CACNG6: variants seen among roughly 807,000 people sequenced by gnomAD.
The protein encoded by CACNG6 is voltage-dependent calcium channel gamma-6 subunit.
A neutral mutation model predicts 23.9 loss-of-function variants in CACNG6; 21 were observed. That is an observed-to-expected ratio of 0.88 (90% confidence interval 0.62 to 1.26). CACNG6 has a LOEUF of 1.26. CACNG6 is among the 50% of genes most tolerant of loss of function. The pLI is 0.00. For synonymous variants in CACNG6, 182 were observed against 168.9 expected, an observed-to-expected ratio of 1.08 and a Z score of -0.60; for missense variants, 340 against 352.9, an observed-to-expected ratio of 0.96 and a Z score of 0.29.
In CACNG6 at chr19:53,993,146, G is replaced by T. The variant is rs1042979812; in HGVS notation, c.269G>T (p.Arg90Leu). ...GGGCTGTGGAAGGCGTGCACCAAGC[G>T]GCTGTGGCAGGCGGACGTGCCCGTG... The part of the protein sequence containing the change: ...HLGLWKACTK[R>L]LWQADVPVDR... Residue 90 changes from arginine to leucine, a missense_variant, in exon 1 of 4, where the codon CGG becomes CTG. Transcript: ENST00000252729. 8.4e-6 allele frequency: 13 copies of T among 1,546,758 alleles called. No individual in the cohort carries two copies. The highest frequency in any genetic ancestry group is 1.7e-4 in the Middle Eastern group (1 of 5,936).
intron 1 of CACNG6, among the ~76,000 whole-genome samples, 198 bp from the exon 2 acceptor site, chr19:53,998,041 C>G (rs1008137688): frequency 6.6e-6 from 1 of 152,088 alleles, no homozygotes; most frequent in East Asian, 1.9e-4. Context: ...CTCAGAGCCC[C>G]GGGTAGGAGT....
In CACNG6 at chr19:53,995,823, G is replaced by C. The variant is rs147497120; in HGVS notation, c.332-2416G>C. ...ATTACAGGCATGCACCACAACATCCGGCTAATTTTTGTATTTTTAGTAGAG... is the reference window on the plus strand; with the variant it reads ...ATTACAGGCATGCACCACAACATCCCGCTAATTTTTGTATTTTTAGTAGAG... On this transcript the variant is annotated intron_variant, in intron 1 of 3. Transcript: ENST00000252729. Among the ~76,000 whole-genome samples, 629 of 152,220 alleles carry C rather than the reference G, an allele frequency of 4.1e-3. 4 individuals are homozygous for C. The highest frequency in any genetic ancestry group is 0.012 in the African/African-American group (515 of 41,534).
intron 3 of CACNG6, 150 bp from the exon 4 acceptor site, chr19:54,011,801 T>C (rs2145971140): frequency 2.4e-6 from 1 of 414,102 alleles, no homozygotes; most frequent in East Asian, 3.5e-5. Flanking sequence ...AAATGCTGCC[T>C]GCTATATAGT....
At chr19:53,998,625 C>T (rs147382414) in intron 2 of CACNG6, among the ~76,000 whole-genome samples, 3 of 151,696 alleles carry the variant, frequency 2.0e-5, no homozygotes, top group South Asian at 2.1e-4. Flanking sequence ...AATTCACCTA[C>T]CTCAGCCTCC....
chr19:54,006,506 G>C (rs1467301032), intron 3 of CACNG6, among the ~76,000 whole-genome samples: 2 of 143,492 alleles, frequency 1.4e-5, no homozygotes, highest in African/African-American at 2.6e-5. Context: ...TGTGTCCCCA[G>C]TTCCTTCTTT....
intron 1 of CACNG6, among the ~76,000 whole-genome samples, chr19:53,996,043 C>T (rs2069517885): frequency 6.6e-6 from 1 of 152,232 alleles, no homozygotes; most frequent in Non-Finnish European, 1.5e-5. Flanking sequence ...CTTCACCTCC[C>T]CTCGGGGTAC....
At chr19:54,002,980 C>A (rs539263647) in intron 3 of CACNG6, among the ~76,000 whole-genome samples, 1 of 152,168 alleles carries the variant, frequency 6.6e-6, no homozygotes, top group South Asian at 2.1e-4. Flanking sequence ...GTGGGAGAGA[C>A]AGAAATGAGA....
chr19:53,999,790 G>A lies in CACNG6; in HGVS notation c.544+19G>A, dbSNP rs2069556991. The A allele has an allele frequency of 6.2e-7, 1 of 1,612,242 alleles. No individual in the cohort carries two copies. Among genetic ancestry groups the A allele is most frequent in the African/African-American group, 1.3e-5 (1 of 75,012 alleles). ...CTCTCAGGTGAGGGTTCAGAGCCTG[G>A]AGGCTGAGGACATTGCATGCTGGGA... On this transcript the variant is annotated intron_variant, in intron 3 of 3. Coordinates refer to ENST00000252729, the MANE Select transcript of CACNG6 (RefSeq NM_145814.2).
At chr19:53,995,075 G>A (rs374146467) in intron 1 of CACNG6, among the ~76,000 whole-genome samples, 31 of 152,178 alleles carry the variant, frequency 2.0e-4, no homozygotes, top group African/African-American at 6.7e-4. Flanking sequence ...GAGAAATCTC[G>A]GTGGCTCGGT....
At chr19:53,998,168 A>G in intron 1 of CACNG6, 71 bp from the exon 2 acceptor site, 3 of 1,375,564 alleles carry the variant, frequency 2.2e-6, no homozygotes, top group Non-Finnish European at 3.1e-6. Flanking sequence ...TGGGCTGTTA[A>G]CTGTCCAGCC....
At chr19:54,006,446 A>G (rs2069645602) in intron 3 of CACNG6, among the ~76,000 whole-genome samples, 1 of 151,402 alleles carries the variant, frequency 6.6e-6, no homozygotes, top group Non-Finnish European at 1.5e-5. Flanking sequence ...TGTCTTGTAA[A>G]TGGCCAACTT....
At chr19:54,001,552 G>A (rs1035071204) in intron 3 of CACNG6, among the ~76,000 whole-genome samples, 10 of 152,224 alleles carry the variant, frequency 6.6e-5, no homozygotes, top group Admixed American at 5.2e-4. Context: ...TAATGCAGGT[G>A]TGAGTTTAAT....
Position 53,993,226 on chromosome 19 carries a change from C to G in CACNG6, c.331+18C>G, listed in dbSNP as rs766785546. ...GCCCGGAGGTGAGCAGCCGCCGCCC[C>G]GAGCGCAGGGCTTGCGTCCCACGGA... On this transcript the variant is annotated intron_variant, in intron 1 of 3. Coordinates refer to ENST00000252729, the MANE Select transcript of CACNG6 (RefSeq NM_145814.2). 7 of 1,527,568 alleles carry G rather than the reference C, an allele frequency of 4.6e-6. No individual in the cohort carries two copies. The South Asian group carries it at 4.8e-5, about 11-fold the overall frequency. 94.6% of individuals were successfully genotyped at this position (1,527,568 alleles called of 1,614,324 possible). A position where few individuals can be genotyped will look rare whatever the true frequency, so the allele number is the denominator to read the frequency against.
chr19:54,009,699 T>A (rs2069683605), intron 3 of CACNG6, among the ~76,000 whole-genome samples: 1 of 151,988 alleles, frequency 6.6e-6, no homozygotes, highest in Non-Finnish European at 1.5e-5. Context: ...TTGTTTACTG[T>A]CTATCTCCAA....
At position 54,012,109 on chromosome 19, in the gene CACNG6, G is replaced by A. The variant is rs376472409; in HGVS notation, c.703G>A (p.Ala235Thr). ...GGCCGGCCTGATCCTGCTGTTGGGG[G>A]CCGGCTGCTTTCTGCTGCTCACACT... is the stretch of plus-strand genomic sequence containing the variant. ...VGAGLILLLGAGCFLLLTLPS... is the reference protein window; with the variant it reads ...VGAGLILLLGTGCFLLLTLPS... Residue 235 changes from alanine to threonine, a missense_variant, in exon 4 of 4, where the codon GCC (alanine) becomes ACC (threonine). By Grantham distance (58) the Ala-to-Thr change is moderately conservative. Coordinates refer to ENST00000252729, the MANE Select transcript of CACNG6 (RefSeq NM_145814.2). 2 of 1,572,036 alleles carry A rather than the reference G, an allele frequency of 1.3e-6. No individual in the cohort carries two copies. The highest frequency in any genetic ancestry group is 8.6e-7 in the Non-Finnish European group (1 of 1,160,904).
At chr19:54,006,849 T>TTA (rs1487835262) in intron 3 of CACNG6, among the ~76,000 whole-genome samples, 1,670 of 128,584 alleles carry the variant, frequency 0.013, 22 homozygotes, top group East Asian at 0.065. Context: ...TTTTTTTATT[T>TTA]TGTTATTTTA....
chr19:54,001,468 C>T (rs958315284), intron 3 of CACNG6, among the ~76,000 whole-genome samples: 6 of 152,104 alleles, frequency 3.9e-5, no homozygotes, highest in African/African-American at 9.7e-5. Context: ...GGATTACAGG[C>T]GTGAGCCACC....
At chr19:54,004,147 G>A (rs1006286117) in intron 3 of CACNG6, among the ~76,000 whole-genome samples, 2 of 151,334 alleles carry the variant, frequency 1.3e-5, no homozygotes, top group East Asian at 1.9e-4. Context: ...ATGAGCCACC[G>A]CACCCGGCCA....
intron 3 of CACNG6, among the ~76,000 whole-genome samples, chr19:54,011,715 C>G (rs1440723224): frequency 6.6e-6 from 1 of 151,778 alleles, no homozygotes; most frequent in Non-Finnish European, 1.5e-5. Context: ...CCCTCCGGCC[C>G]TCGGCAACCA....
Sources: allele counts gnomAD v4.1 joint callset (sites outside exome capture counted in the v4.1 genomes callset), GRCh38; gene constraint gnomAD v4.1.1; transcripts MANE v1.5; gene names NCBI Gene and HGNC (gene_info 2026-07-23, HGNC 2026-07-21).